Variants in SLC27A2 observed in about 807,000 individuals in gnomAD.
The protein encoded by SLC27A2 is long-chain fatty acid transport protein 2.
A neutral mutation model predicts 60.0 loss-of-function variants in SLC27A2; 54 were observed. The ratio of observed to expected loss-of-function variants is 0.90; its 90% CI spans 0.72 to 1.13. SLC27A2 has a LOEUF of 1.13. Among genes scored for constraint, SLC27A2 ranks in the 50% most tolerant of loss-of-function variants. The pLI is 0.00. For synonymous variants in SLC27A2, 297 were observed against 297.6 expected, an observed-to-expected ratio of 1.00 and a Z score of 0.02; for missense variants, 739 against 777.6, an observed-to-expected ratio of 0.95 and a Z score of 0.59.
At chr15:50,223,314 T>G (rs925757320) in intron 5 of SLC27A2, among the ~76,000 whole-genome samples, 155 bp downstream of exon 5, 2 of 152,230 alleles carry the variant, frequency 1.3e-5, no homozygotes, top group African/African-American at 4.8e-5. Flanking sequence ...TTCTCTGTGA[T>G]GATGACTTCA....
chr15:50,186,868 G>C (rs1210332350), intron 1 of SLC27A2, among the ~76,000 whole-genome samples: 1 of 152,200 alleles, frequency 6.6e-6, no homozygotes, highest in Non-Finnish European at 1.5e-5. Context: ...ACGAGGCACT[G>C]TTTATTCTAT....
At chr15:50,210,539 T>C (rs1330228112) in intron 4 of SLC27A2, among the ~76,000 whole-genome samples, 1 of 152,026 alleles carries the variant, frequency 6.6e-6, no homozygotes, top group African/African-American at 2.4e-5. Context: ...CAGGGATCCA[T>C]CAGGAGGGTG....
At chr15:50,184,891 G>C (rs1056373706) in intron 1 of SLC27A2, among the ~76,000 whole-genome samples, 2 of 152,160 alleles carry the variant, frequency 1.3e-5, no homozygotes, top group Admixed American at 1.3e-4. Flanking sequence ...ATTTGGAAGA[G>C]ATGGTCCTTT....
rs2045307973 is a variant in SLC27A2 at position 50,230,216 on chromosome 15, A to T, written c.1555+1174A>T. 2.7e-5 allele frequency among the ~76,000 whole-genome samples: 4 copies of T among 146,480 alleles called. No homozygotes were observed. In the Admixed American group the frequency reaches 2.7e-4, roughly 10 times the overall value. On this transcript the variant is annotated intron_variant, in intron 8 of 9. Transcript: ENST00000267842. ...GCCATTGCACTCCAGCCTGGGCAAC[A>T]GAGCAAGACTCTGTCTCACCAAAAA...
In SLC27A2 at chr15:50,196,070, AAAAAAAAATATATATATATATAT is replaced by A. The variant is rs1173264357; in HGVS notation, c.479-1428_479-1406del. 2.6e-4 allele frequency among the ~76,000 whole-genome samples: 6 copies of A among 23,488 alleles called. 1 individual carries two copies. The highest frequency in any genetic ancestry group is 1.9e-3 in the South Asian group (1 of 516). 15.4% of individuals were successfully genotyped at this position (23,488 alleles called of 152,430 possible). A position where few individuals can be genotyped will look rare whatever the true frequency, so the allele number is the denominator to read the frequency against. ...CTCTGTCTCAAAAAAAAAAAAAAAA[AAAAAAAAATATATATATATATAT>A]ATATATATATATATATATATATATA... On this transcript the variant is annotated intron_variant, in intron 1 of 9. Transcript: ENST00000267842.
chr15:50,196,065 A>AAATAAAAAAAAAAAAAAAAT (rs1555500425), intron 1 of SLC27A2, among the ~76,000 whole-genome samples: 8 of 21,644 alleles, frequency 3.7e-4, no homozygotes, highest in Non-Finnish European at 6.8e-4. Flanking sequence ...AAAAAAAAAA[A>AAATAAAAAAAAAAAAAAAAT]AAAAAAAAAA....
intron 8 of SLC27A2, among the ~76,000 whole-genome samples, chr15:50,232,896 C>T (rs935300625): frequency 1.3e-5 from 2 of 152,098 alleles, no homozygotes; most frequent in African/African-American, 2.4e-5. Context: ...GGAGAGATTT[C>T]GAAAGCTGGG....
At position 50,228,944 on chromosome 15, in the gene SLC27A2, G is replaced by C; in HGVS notation, c.1458-1G>C. On this transcript the variant is annotated splice_acceptor_variant, in intron 7 of 9. Transcript: ENST00000267842. LOFTEE classifies it high-confidence loss of function. ...TCTGCTAACTTTGTCCTTTCTTCCA[G>C]GTGGAAAGGGGAAAATGTGGCCACC... 1 of 1,611,390 alleles carries C rather than the reference G, an allele frequency of 6.2e-7. No individual in the cohort carries two copies.
intron 1 of SLC27A2, among the ~76,000 whole-genome samples, chr15:50,196,068 AAAAAAAAAAATATATATAT>A (rs2045015762): frequency 1.7e-4 from 3 of 17,198 alleles, no homozygotes; most frequent in African/African-American, 2.6e-4. Flanking sequence ...AAAAAAAAAA[AAAAAAAAAAATATATATAT>A]ATATATATAT....
chr15:50,199,495 AAG>A (rs2045048788), intron 2 of SLC27A2, among the ~76,000 whole-genome samples: 1 of 151,580 alleles, frequency 6.6e-6, no homozygotes, highest in Admixed American at 6.6e-5. Flanking sequence ...AAAAAAAAGA[AAG>A]AAAAAAAAAG....
chr15:50,193,760 A>G (rs1041640353), intron 1 of SLC27A2, among the ~76,000 whole-genome samples: 1 of 152,216 alleles, frequency 6.6e-6, no homozygotes, highest in East Asian at 1.9e-4. Flanking sequence ...TTTTTCAATT[A>G]TAAACATTTA....
At position 50,233,945 on chromosome 15, in the gene SLC27A2, C is replaced by A; in HGVS notation, c.1633C>A (p.His545Asn). ...HEFDGKKLFQ[H>N]IADYLPSYAR... is the part of the protein sequence containing the mutation. ...ATTTGATGGAAAGAAACTCTTTCAGCACATTGCTGATTACCTACCTAGTTA... is the reference window on the plus strand; with the variant it reads ...ATTTGATGGAAAGAAACTCTTTCAGAACATTGCTGATTACCTACCTAGTTA... The change falls in exon 9 of 10, where the codon CAC becomes AAC. Residue 545 changes from histidine to asparagine, a missense_variant. Transcript: ENST00000267842. The A allele has an allele frequency of 6.2e-7, 1 of 1,613,790 alleles. No individual in the cohort carries two copies.
intron 3 of SLC27A2, among the ~76,000 whole-genome samples, chr15:50,204,227 G>A (rs946808331): frequency 6.6e-6 from 1 of 152,186 alleles, no homozygotes; most frequent in African/African-American, 2.4e-5. Context: ...CACTTTGGGA[G>A]GTTGAGGTGG....
At chr15:50,206,335 C>T (rs1353578123) in intron 4 of SLC27A2, among the ~76,000 whole-genome samples, 1 of 152,144 alleles carries the variant, frequency 6.6e-6, no homozygotes, top group Non-Finnish European at 1.5e-5. Flanking sequence ...GTAAACTCAC[C>T]AGATTCTAAT....
chr15:50,206,163 A>AT (rs1242235117), intron 4 of SLC27A2, among the ~76,000 whole-genome samples: 2 of 152,098 alleles, frequency 1.3e-5, no homozygotes, highest in Admixed American at 1.3e-4. Context: ...TATTCTGTGC[A>AT]TTGTAGAGTG....
At chr15:50,234,890 A>T (rs1418328649) in intron 9 of SLC27A2, among the ~76,000 whole-genome samples, 2 of 152,220 alleles carry the variant, frequency 1.3e-5, no homozygotes, top group Non-Finnish European at 2.9e-5. Context: ...GTCCTGACAG[A>T]TAGCGCAAAT....
At chr15:50,228,355 T>C (rs1021934938) in intron 7 of SLC27A2, among the ~76,000 whole-genome samples, 7 of 119,086 alleles carry the variant, frequency 5.9e-5, no homozygotes, top group African/African-American at 1.3e-4. Flanking sequence ...CCAGCCTAAG[T>C]GATAGAATGA....
In SLC27A2 at chr15:50,205,351, C is replaced by T; in HGVS notation, c.960C>T (p.Cys320=). 1 of 1,605,014 alleles carries T rather than the reference C, an allele frequency of 6.2e-7. No individual in the cohort carries two copies. The highest frequency in any genetic ancestry group is 1.3e-5 in the African/African-American group (1 of 74,924). ...TCGGTGAACTGCTTCGGTATTTATG[C>T]AACTCACCACAGGTAACACTCCCCC... The part of the protein sequence containing the change: ...QYIGELLRYL[C]NSPQKPNDRD... The change falls in exon 4 of 10, where the codon TGC becomes TGT. Residue 320 remains cysteine, a synonymous_variant. Transcript: ENST00000267842.
At chr15:50,217,952 G>C (rs1342498240) in intron 4 of SLC27A2, among the ~76,000 whole-genome samples, 1 of 151,430 alleles carries the variant, frequency 6.6e-6, no homozygotes, top group African/African-American at 2.4e-5. Flanking sequence ...TACTGGGGAG[G>C]CTGAGGCAGG....
Sources: gnomAD v4.1 joint callset for allele counts (sites outside exome capture counted in the v4.1 genomes callset) on GRCh38, gnomAD v4.1.1 for gene constraint, MANE v1.5 for transcripts, NCBI Gene and HGNC (gene_info 2026-07-23, HGNC 2026-07-21) for gene names.